The following ADAP1 variants were observed in gnomAD, a reference collection of about 807,000 sequenced individuals.
ADAP1 encodes ArfGAP with dual PH domains 1.
Under a neutral mutation model 54.9 loss-of-function variants are expected in ADAP1, and 31 were observed. That is an observed-to-expected ratio of 0.56 (90% CI 0.42 to 0.76). ADAP1 has a LOEUF of 0.76. ADAP1 is among the 30% of genes least tolerant of loss of function. The probability of loss-of-function intolerance (pLI) is 0.00; values close to 1 mark genes in which losing one functional copy is unlikely to be tolerated. For synonymous variants in ADAP1, 313 were observed against 202.6 expected, an observed-to-expected ratio of 1.55 and a Z score of -4.63; for missense variants, 535 against 512.4, an observed-to-expected ratio of 1.04 and a Z score of -0.42.
At chr7:947,296 A>G (rs566086100) in intron 1 of ADAP1, among the ~76,000 whole-genome samples, 1 of 146,588 alleles carries the variant, frequency 6.8e-6, no homozygotes, top group Non-Finnish European at 1.5e-5. Context: ...GGCTCAAGCG[A>G]TCCTCCCACC....
Position 900,629 on chromosome 7 carries a change from G to GCAGGCAAAGGC in ADAP1, c.649-14_649-13insGCCTTTGCCTG, listed in dbSNP as rs768456961. On this transcript the variant is annotated splice_polypyrimidine_tract_variant and intron_variant, in intron 6 of 10. Transcript: ENST00000265846. ...AGTCCACAATCTCCTAGGGGCAAAGGTGGGCACAGGCTTGGGCTGAGGAGG... is the reference window on the plus strand; with the variant it reads ...AGTCCACAATCTCCTAGGGGCAAAGGCAGGCAAAGGCTGGGCACAGGCTTGGGCTGAGGAGG... 3 of 1,594,740 alleles carry GCAGGCAAAGGC rather than the reference G, an allele frequency of 1.9e-6. No homozygotes were observed. Among genetic ancestry groups the GCAGGCAAAGGC allele is most frequent in the Non-Finnish European group, 2.6e-6 (3 of 1,172,868 alleles).
In ADAP1 at chr7:899,339, C is replaced by T. The variant is rs553857659; in HGVS notation, c.868-78G>A. On this transcript the variant is annotated intron_variant, in intron 9 of 10. Coordinates refer to ENST00000265846, the MANE Select transcript of ADAP1 (RefSeq NM_006869.4). ...TCACTCAGGCCAGGACTCGGGAGGC[C>T]ACCCGCCCTCCTGGTCACGCATCTG... 6.9e-6 allele frequency: 11 copies of T among 1,604,740 alleles called. No homozygotes were observed. The East Asian group carries it at 2.5e-4, about 36-fold the overall frequency.
intron 1 of ADAP1, among the ~76,000 whole-genome samples, chr7:944,710 G>T (rs1583187880): frequency 6.6e-6 from 1 of 152,108 alleles, no homozygotes; most frequent in African/African-American, 2.4e-5. Flanking sequence ...TCATTTCTTT[G>T]TGTTACAAAC....
intron 1 of ADAP1, among the ~76,000 whole-genome samples, chr7:941,530 G>T (rs927507334): frequency 2.0e-5 from 3 of 152,052 alleles, no homozygotes; most frequent in Admixed American, 2.0e-4. Context: ...TTCAGAAATT[G>T]AACATTTAAA....
In ADAP1 at chr7:916,410, G is replaced by A. The variant is rs1355336382; in HGVS notation, c.388+3558C>T. Among the ~76,000 whole-genome samples the A allele has an allele frequency of 4.6e-5, 7 of 152,134 alleles. No homozygotes were observed. In the East Asian group the frequency reaches 1.2e-3, roughly 25 times the overall value. On this transcript the variant is annotated intron_variant, in intron 4 of 10. Coordinates refer to ENST00000265846, the MANE Select transcript of ADAP1 (RefSeq NM_006869.4). ...ATTTTCCATCCTTTACAACCAGAGG[G>A]TTCTGATACAAGAACAGACACAAAA...
At chr7:928,784 T>A (rs1046036864) in intron 2 of ADAP1, among the ~76,000 whole-genome samples, 3 of 152,182 alleles carry the variant, frequency 2.0e-5, no homozygotes, top group Non-Finnish European at 4.4e-5. Context: ...TGACTAACAG[T>A]CTGGCAGTTC....
chr7:898,815 A>G lies in ADAP1; in HGVS notation c.*106T>C. On this transcript the variant is annotated 3_prime_UTR_variant, in exon 11 of 11. Coordinates refer to ENST00000265846, the MANE Select transcript of ADAP1 (RefSeq NM_006869.4). ...CTGGCCGCGCCGGGCTGCCCTGAGG[A>G]GCAGGTGGGGCCAGGTGGCCTCAGG... The G allele has an allele frequency of 1.4e-6, 2 of 1,473,280 alleles. No homozygotes were observed. 91.3% of individuals were successfully genotyped at this position (1,473,280 alleles called of 1,614,324 possible).
At chr7:954,847 C>T (rs1847349760), upstream of ADAP1, 1 of 582,584 alleles carries the variant, frequency 1.7e-6, no homozygotes, top group Non-Finnish European at 2.2e-6. Context: ...GCCCCCCATC[C>T]GCGCGCAGCG....
rs1844611940 is a variant in ADAP1 at position 898,463 on chromosome 7, G to A, written c.*458C>T. 4.1e-6 allele frequency: 1 copy of A among 245,368 alleles called. No individual in the cohort carries two copies. Among genetic ancestry groups the A allele is most frequent in the Non-Finnish European group, 8.1e-6 (1 of 122,934 alleles). The allele number at this position is 245,368 out of a possible 1,614,324, so 15.2% of individuals were successfully genotyped here. On this transcript the variant is annotated 3_prime_UTR_variant, in exon 11 of 11. Transcript: ENST00000265846. ...ACACACAACAGGCGCTCAATAAATA[G>A]TCGTGGAGGTGGGGGGAGGGCGGGG...
In ADAP1 at chr7:899,483, T is replaced by A; in HGVS notation, c.803A>T (p.Glu268Val). 6.2e-7 allele frequency: 1 copy of A among 1,612,922 alleles called. No individual in the cohort carries two copies. Among genetic ancestry groups the A allele is most frequent in the Non-Finnish European group, 8.5e-7 (1 of 1,179,846 alleles). Residue 268 changes from glutamate to valine, a missense_variant, in exon 9 of 11, where the codon GAA (glutamate) becomes GTA (valine). Coordinates refer to ENST00000265846, the MANE Select transcript of ADAP1 (RefSeq NM_006869.4). ...YMEKTGPKQT[E>V]GFRKRWFTMD... Reference sequence around the variant, plus strand: ...GGTGAACCAGCGCTTCCGGAAGCCTTCCGTTTGCTGTGGGTCAGAGAGGGC... The same window carrying A: ...GGTGAACCAGCGCTTCCGGAAGCCTACCGTTTGCTGTGGGTCAGAGAGGGC...
Position 946,166 on chromosome 7 carries a change from G to C in ADAP1, c.82+8230C>G, listed in dbSNP as rs1268550292. Among the ~76,000 whole-genome samples the C allele has an allele frequency of 6.6e-6, 1 of 152,158 alleles. No individual in the cohort carries two copies. The highest frequency in any genetic ancestry group is 1.5e-5 in the Non-Finnish European group (1 of 68,014). On this transcript the variant is annotated intron_variant, in intron 1 of 10. Transcript: ENST00000265846. The surrounding 1 kb of genome is among the most constrained non-coding windows in gnomAD (Gnocchi z 4.3). Reference sequence around the variant, plus strand: ...CACACAGCGCCCCACTCCACGCCGGGACCCAGGCCCCTCTCCAACTCCACC... The same window carrying C: ...CACACAGCGCCCCACTCCACGCCGGCACCCAGGCCCCTCTCCAACTCCACC...
intron 6 of ADAP1, among the ~76,000 whole-genome samples, chr7:902,478 A>ATGCCTGGGCGTGGTGGTGCGC (rs1844870967): frequency 2.5e-5 from 1 of 39,516 alleles, no homozygotes; most frequent in Non-Finnish European, 4.8e-5. Context: ...AAAAGAAAGA[A>ATGCCTGGGCGTGGTGGTGCGC]AAGAAAGAAA....
At chr7:935,299 G>T (rs1846716829) in intron 2 of ADAP1, 76 bp downstream of exon 2, 1 of 1,515,456 alleles carries the variant, frequency 6.6e-7, no homozygotes, top group Non-Finnish European at 8.9e-7. Context: ...AGGCCGCCCG[G>T]CATCTCTGGC....
rs933739793 is a variant in ADAP1 at position 898,552 on chromosome 7, G to A, written c.*369C>T. 8.9e-6 allele frequency: 3 copies of A among 335,610 alleles called. No individual in the cohort carries two copies. Among genetic ancestry groups the A allele is most frequent in the South Asian group, 3.1e-5 (1 of 31,818 alleles). 20.8% of individuals were successfully genotyped at this position (335,610 alleles called of 1,614,324 possible). A position where few individuals can be genotyped will look rare whatever the true frequency, so the allele number is the denominator to read the frequency against. ...CTGCCCACCGTGCTGGCCCCAAGCA[G>A]GGCTCTGCGCTGAGGCCTGGAAGTT... is the stretch of plus-strand genomic sequence containing the variant. On this transcript the variant is annotated 3_prime_UTR_variant, in exon 11 of 11. Transcript: ENST00000265846.
At chr7:944,931 C>T (rs935797366) in intron 1 of ADAP1, among the ~76,000 whole-genome samples, 2 of 151,968 alleles carry the variant, frequency 1.3e-5, no homozygotes, top group Non-Finnish European at 2.9e-5. Flanking sequence ...TGACTCTGGG[C>T]GATGTCTTAA....
rs1050749036 is a variant in ADAP1, at chr7:935,374, C to A, written c.213+1G>T. ...GTCCCCCCGCCCCTCCCCCTCCGTA[C>A]CTCCACTTGGGCCTCCTCCCAGGCG... On this transcript the variant is annotated splice_donor_variant, in intron 2 of 10. Coordinates refer to ENST00000265846, the MANE Select transcript of ADAP1 (RefSeq NM_006869.4). LOFTEE classifies it high-confidence loss of function. 1.3e-6 allele frequency: 2 copies of A among 1,556,292 alleles called. No individual in the cohort carries two copies. The highest frequency in any genetic ancestry group is 8.7e-7 in the Non-Finnish European group (1 of 1,150,078).
intron 4 of ADAP1, among the ~76,000 whole-genome samples, chr7:909,847 A>C (rs1400371934): frequency 6.8e-6 from 1 of 146,448 alleles, no homozygotes; most frequent in African/African-American, 2.4e-5. Flanking sequence ...GTCGGGTCCT[A>C]TGGTGTGGGG....
At chr7:903,931 G>A (rs1844952587) in intron 6 of ADAP1, 195 bp downstream of exon 6, 4 of 645,140 alleles carry the variant, frequency 6.2e-6, no homozygotes, top group Non-Finnish European at 9.9e-6. Context: ...ATGCTGCCCG[G>A]CGCCAGTGCC....
intron 3 of ADAP1, among the ~76,000 whole-genome samples, chr7:923,841 T>G (rs1423157945): frequency 6.6e-6 from 1 of 152,138 alleles, no homozygotes; most frequent in Admixed American, 6.5e-5. Flanking sequence ...GACCCGGGCT[T>G]GTCCAGGCTG....
Sources: allele counts gnomAD v4.1 joint callset (sites outside exome capture counted in the v4.1 genomes callset), GRCh38; gene constraint gnomAD v4.1.1; non-coding constraint Gnocchi (gnomAD v3.1); transcripts MANE v1.5; gene names NCBI Gene and HGNC (gene_info 2026-07-23, HGNC 2026-07-21).